Variants in LRRC28 observed in about 807,000 individuals in gnomAD.
The protein encoded by LRRC28 is leucine rich repeat containing 28, also known as leucine-rich repeat-containing protein 28.
In LRRC28, 39 loss-of-function variants were observed where a neutral mutation model predicts 45.7. The ratio of observed to expected loss-of-function variants is 0.85; its 90% confidence interval spans 0.66 to 1.12. The LOEUF (loss-of-function observed/expected upper bound fraction) is 1.12, where lower values mean the gene tolerates loss of function less well. LRRC28 is among the 50% of genes most tolerant of loss of function. The pLI, the probability that LRRC28 is intolerant of heterozygous loss-of-function variation, is 0.00. For missense variants in LRRC28, 435 were observed against 438.5 expected (o/e 0.99, Z 0.07); for synonymous variants, 206 against 178.8 (o/e 1.15, Z -1.22).
intron 5 of LRRC28, 59 bp from the exon 6 acceptor site, chr15:99,333,864 A>G: frequency 1.3e-6 from 2 of 1,531,018 alleles, no homozygotes; most frequent in South Asian, 1.1e-5. Flanking sequence ...ATATTGATTC[A>G]TTTTGTTTAT....
intron 5 of LRRC28, among the ~76,000 whole-genome samples, chr15:99,299,635 T>C (rs1243901646): frequency 2.0e-5 from 3 of 152,210 alleles, no homozygotes; most frequent in Non-Finnish European, 4.4e-5. Flanking sequence ...AACGCTTGTT[T>C]TAATGAGTGA....
intron 5 of LRRC28, among the ~76,000 whole-genome samples, chr15:99,308,427 G>A (rs1955269844): frequency 6.6e-6 from 1 of 152,172 alleles, no homozygotes; most frequent in African/African-American, 2.4e-5. Context: ...AGCACTTTGG[G>A]AGGCCGAGGT....
intron 2 of LRRC28, chr15:99,258,350 G>A (rs536771819): frequency 2.2e-6 from 3 of 1,350,338 alleles, no homozygotes; most frequent in Non-Finnish European, 3.2e-6. Flanking sequence ...TCTAGGACGG[G>A]GAACGACCAT....
At chr15:99,312,968 A>G (rs919512033) in intron 5 of LRRC28, among the ~76,000 whole-genome samples, 2 of 152,208 alleles carry the variant, frequency 1.3e-5, no homozygotes, top group Non-Finnish European at 2.9e-5. Context: ...GAATGGTCTA[A>G]ACACTACAAT....
chr15:99,300,887 A>G (rs1454981728), intron 5 of LRRC28, among the ~76,000 whole-genome samples: 1 of 152,226 alleles, frequency 6.6e-6, no homozygotes. Flanking sequence ...TATGTCCTGA[A>G]CCAAAATTAT....
At chr15:99,298,450 A>T (rs1597279059) in intron 5 of LRRC28, among the ~76,000 whole-genome samples, 1 of 152,114 alleles carries the variant, frequency 6.6e-6, no homozygotes, top group East Asian at 1.9e-4. Flanking sequence ...CATCATACAC[A>T]CTACTTCCAG....
chr15:99,307,318 A>T (rs973201787), intron 5 of LRRC28, among the ~76,000 whole-genome samples: 1 of 152,236 alleles, frequency 6.6e-6, no homozygotes, highest in African/African-American at 2.4e-5. Flanking sequence ...AAGTTGTCAA[A>T]TCCCACGGAC....
At chr15:99,268,882 A>T (rs963922751) in intron 2 of LRRC28, among the ~76,000 whole-genome samples, 2 of 152,230 alleles carry the variant, frequency 1.3e-5, no homozygotes, top group African/African-American at 2.4e-5. Context: ...AAGACACTTG[A>T]TGCTTGTAAC....
chr15:99,289,872 G>A (rs1232112739), intron 5 of LRRC28, among the ~76,000 whole-genome samples: 18 of 140,738 alleles, frequency 1.3e-4, no homozygotes, highest in Non-Finnish European at 1.1e-4. Flanking sequence ...AGCGGAGCTT[G>A]CAGTGAGCCG....
chr15:99,344,076 C>T (rs1956606356), intron 6 of LRRC28, among the ~76,000 whole-genome samples: 1 of 152,184 alleles, frequency 6.6e-6, no homozygotes, highest in Non-Finnish European at 1.5e-5. Context: ...CTTCATCATC[C>T]TGCTGGTTCT....
At chr15:99,290,977 A>T (rs1429613955) in intron 5 of LRRC28, among the ~76,000 whole-genome samples, 5 of 152,260 alleles carry the variant, frequency 3.3e-5, no homozygotes, top group South Asian at 4.1e-4. Flanking sequence ...CCAAACCCCC[A>T]CAAAAAACAA....
Position 99,363,376 on chromosome 15 carries a change from A to G in LRRC28, c.1031+111A>G, listed in dbSNP as rs140383162. On this transcript the variant is annotated intron_variant, in intron 9 of 9. Coordinates refer to ENST00000301981, the MANE Select transcript of LRRC28 (RefSeq NM_144598.5). Reference sequence around the variant, plus strand: ...AAGTCAGCAGTTTTAAAGGGGCATAACATGCTTCCTGAGAAACAGCTAAAT... The same window carrying G: ...AAGTCAGCAGTTTTAAAGGGGCATAGCATGCTTCCTGAGAAACAGCTAAAT... 7.9e-5 allele frequency: 87 copies of G among 1,107,148 alleles called. 1 individual carries two copies. In the African/African-American group the frequency reaches 1.0e-3, roughly 13 times the overall value. The allele number at this position is 1,107,148 out of a possible 1,614,324, so 68.6% of individuals were successfully genotyped here. A position where few individuals can be genotyped will look rare whatever the true frequency, so the allele number is the denominator to read the frequency against.
rs1387820206 is a variant in LRRC28, at chr15:99,309,740, CTT to C, written c.385+21790_385+21791del. 2.0e-5 allele frequency among the ~76,000 whole-genome samples: 3 copies of C among 152,150 alleles called. No homozygotes were observed. In the South Asian group the frequency reaches 6.2e-4, roughly 32 times the overall value. On this transcript the variant is annotated intron_variant, in intron 5 of 9. Transcript: ENST00000301981. ...TCTTTTAAAAGCTTTTGGGTGCTCT[CTT>C]CCACAATTTCTTATCTTAGGACTTC...
chr15:99,303,133 C>G (rs1955043896), intron 5 of LRRC28, among the ~76,000 whole-genome samples: 1 of 152,216 alleles, frequency 6.6e-6, no homozygotes, highest in African/African-American at 2.4e-5. Flanking sequence ...TCCAGTTCCT[C>G]AACCTTGCCA....
chr15:99,301,099 A>T (rs1194467872), intron 5 of LRRC28, among the ~76,000 whole-genome samples: 1 of 152,220 alleles, frequency 6.6e-6, no homozygotes, highest in Non-Finnish European at 1.5e-5. Flanking sequence ...TCAGAGATAA[A>T]TTTCTGTAAC....
Position 99,294,795 on chromosome 15 carries a change from A to G in LRRC28, c.385+6844A>G, listed in dbSNP as rs78622382. Among the ~76,000 whole-genome samples, 1,150 of 152,316 alleles carry G rather than the reference A, an allele frequency of 7.6e-3. 10 individuals are homozygous for G. Among genetic ancestry groups the G allele is most frequent in the African/African-American group, 0.027 (1,118 of 41,574 alleles). On this transcript the variant is annotated intron_variant, in intron 5 of 9. Coordinates refer to ENST00000301981, the MANE Select transcript of LRRC28 (RefSeq NM_144598.5). ...TGAATTTAGAGGTGGGGACACAAAC[A>G]TTCAAATCATAGCACCGTCTTGACC...
intron 5 of LRRC28, among the ~76,000 whole-genome samples, chr15:99,293,020 C>T (rs991815397): frequency 6.6e-6 from 1 of 152,162 alleles, no homozygotes; most frequent in African/African-American, 2.4e-5. Context: ...TTCCTCTTTG[C>T]TTCCTTTCTG....
At chr15:99,258,901 C>T (rs1567600419) in intron 2 of LRRC28, 2 of 718,032 alleles carry the variant, frequency 2.8e-6, no homozygotes, top group Non-Finnish European at 5.3e-6. Context: ...TGCCTAAGAA[C>T]CTGAATTTTG....
intron 9 of LRRC28, among the ~76,000 whole-genome samples, chr15:99,377,476 C>G (rs377422929): frequency 6.6e-6 from 1 of 152,176 alleles, no homozygotes; most frequent in South Asian, 2.1e-4. Flanking sequence ...CAAAAATTTT[C>G]TCCCATTCTA....
Sources: allele counts gnomAD v4.1 joint callset (sites outside exome capture counted in the v4.1 genomes callset), GRCh38; gene constraint gnomAD v4.1.1; transcripts MANE v1.5; gene names NCBI Gene and HGNC (gene_info 2026-07-23, HGNC 2026-07-21).